SPATA17: variants seen among roughly 807,000 people sequenced by gnomAD.
SPATA17 encodes spermatogenesis associated 17, also known as spermatogenesis-associated protein 17.
SPATA17 carries 53 observed loss-of-function variants against 62.2 expected under a neutral mutation model. The ratio of observed to expected loss-of-function variants is 0.85; its 90% CI spans 0.68 to 1.07. SPATA17 has a LOEUF of 1.07. Among genes scored for constraint, SPATA17 ranks in the 50% least tolerant of loss-of-function variants. The pLI is 0.00. For missense variants in SPATA17, 466 were observed against 425.5 expected (o/e 1.10, Z -0.84); for synonymous variants, 146 against 146.8 (o/e 0.99, Z 0.04).
intron 6 of SPATA17, among the ~76,000 whole-genome samples, chr1:217,751,493 A>C: frequency 6.6e-6 from 1 of 152,322 alleles, no homozygotes; most frequent in Non-Finnish European, 1.5e-5. Context: ...ATTTGTTACT[A>C]TTGGCAGTCT....
At chr1:217,641,645 T>C (rs1180793176) in intron 1 of SPATA17, among the ~76,000 whole-genome samples, 1 of 152,154 alleles carries the variant, frequency 6.6e-6, no homozygotes. Flanking sequence ...ATATTTAAGT[T>C]ATTGAAACAA....
intron 5 of SPATA17, among the ~76,000 whole-genome samples, chr1:217,731,778 A>T (rs1020974287): frequency 1.3e-5 from 2 of 152,156 alleles, no homozygotes; most frequent in Non-Finnish European, 2.9e-5. Context: ...TTTTAATACT[A>T]AAAAATGTGA....
intron 8 of SPATA17, among the ~76,000 whole-genome samples, chr1:217,800,893 C>T (rs1674292548): frequency 6.6e-6 from 1 of 152,084 alleles, no homozygotes; most frequent in African/African-American, 2.4e-5. Flanking sequence ...GGTGAGGGAT[C>T]TGGGTTATAC....
At chr1:217,812,576 C>A (rs1674618069) in intron 9 of SPATA17, among the ~76,000 whole-genome samples, 6 of 151,984 alleles carry the variant, frequency 3.9e-5, no homozygotes, top group Admixed American at 3.9e-4. Flanking sequence ...ATGGTCGAAC[C>A]TTTTAAGATC....
At chr1:217,800,377 T>C (rs1247923038) in intron 8 of SPATA17, among the ~76,000 whole-genome samples, 1 of 150,568 alleles carries the variant, frequency 6.6e-6, no homozygotes, top group Non-Finnish European at 1.5e-5. Flanking sequence ...GCCAGTGCAC[T>C]TAAGAGACGA....
intron 6 of SPATA17, among the ~76,000 whole-genome samples, chr1:217,758,212 T>C (rs183294062): frequency 1.8e-3 from 278 of 152,340 alleles, no homozygotes; most frequent in African/African-American, 6.5e-3. Flanking sequence ...TGAGATAGAC[T>C]ATTACTTCCA....
At chr1:217,704,538 C>T (rs543363284) in intron 5 of SPATA17, among the ~76,000 whole-genome samples, 107 of 152,240 alleles carry the variant, frequency 7.0e-4, no homozygotes, top group African/African-American at 2.5e-3. Flanking sequence ...GCGTGAGCCA[C>T]CGCGCCCGGC....
chr1:217,864,994 A>G (rs1187134336), intron 10 of SPATA17, among the ~76,000 whole-genome samples: 4 of 152,102 alleles, frequency 2.6e-5, no homozygotes, highest in South Asian at 2.1e-4. Flanking sequence ...ATTTTTAACA[A>G]TTTTGTGAAT....
chr1:217,643,816 C>T (rs1392043650), intron 1 of SPATA17, among the ~76,000 whole-genome samples: 1 of 151,830 alleles, frequency 6.6e-6, no homozygotes, highest in African/African-American at 2.4e-5. Context: ...GCAACTTCTG[C>T]TTCCCAGGTT....
chr1:217,685,082 C>T (rs549359423), intron 5 of SPATA17, among the ~76,000 whole-genome samples: 1 of 117,542 alleles, frequency 8.5e-6, no homozygotes, highest in African/African-American at 3.6e-5. Flanking sequence ...TTTAGCTTGT[C>T]AGGAGGAAGA....
At chr1:217,730,075 T>C (rs2102940517) in intron 5 of SPATA17, among the ~76,000 whole-genome samples, 1 of 152,298 alleles carries the variant, frequency 6.6e-6, no homozygotes. Context: ...ATTAGTTAAG[T>C]ATGTCCCATT....
intron 9 of SPATA17, among the ~76,000 whole-genome samples, chr1:217,834,313 G>A (rs903469195): frequency 2.5e-4 from 38 of 152,158 alleles, no homozygotes; most frequent in Middle Eastern, 6.8e-3. Flanking sequence ...TTATTTTAGC[G>A]TGTATTGCTT....
In SPATA17 at chr1:217,840,269, C is replaced by CA. The variant is rs779538326; in HGVS notation, c.1006-22503dup. Among the ~76,000 whole-genome samples, 3 of 152,204 alleles carry CA rather than the reference C, an allele frequency of 2.0e-5. No homozygotes were observed. In the East Asian group the frequency reaches 5.8e-4, roughly 29 times the overall value. On this transcript the variant is annotated intron_variant, in intron 9 of 10. Transcript: ENST00000366933. ...TTCCTTTGGAGTCAGGCTGCATAAG[C>CA]AACAGTTTCTACACATTTCAGTCCT...
chr1:217,712,874 T>C (rs897133531), intron 5 of SPATA17, among the ~76,000 whole-genome samples: 2 of 151,968 alleles, frequency 1.3e-5, no homozygotes, highest in Non-Finnish European at 2.9e-5. Flanking sequence ...CTGGCAGAGT[T>C]GAAGTACTAA....
At chr1:217,789,025 C>CATCGAGGATTTAAAA (rs1338147983) in intron 8 of SPATA17, among the ~76,000 whole-genome samples, 1 of 152,070 alleles carries the variant, frequency 6.6e-6, no homozygotes, top group African/African-American at 2.4e-5. Context: ...AAGGTATAGA[C>CATCGAGGATTTAAAA]ATCGAGGATT....
chr1:217,766,575 C>T (rs563183370), intron 6 of SPATA17, among the ~76,000 whole-genome samples: 7 of 151,926 alleles, frequency 4.6e-5, no homozygotes, highest in South Asian at 2.1e-4. Flanking sequence ...AATACCTTGA[C>T]GCTATTATTT....
At chr1:217,822,169 A>G (rs1674879605) in intron 9 of SPATA17, among the ~76,000 whole-genome samples, 1 of 152,098 alleles carries the variant, frequency 6.6e-6, no homozygotes. Context: ...TGTCTTGCAG[A>G]AAGATTAAAC....
At chr1:217,672,180 C>A (rs1670847110) in intron 4 of SPATA17, among the ~76,000 whole-genome samples, 1 of 152,156 alleles carries the variant, frequency 6.6e-6, no homozygotes. Flanking sequence ...TTGTGTATAT[C>A]TGAAGATTAC....
chr1:217,859,966 A>T (rs2103015740), intron 9 of SPATA17, among the ~76,000 whole-genome samples: 1 of 151,820 alleles, frequency 6.6e-6, no homozygotes. Context: ...GCTCTTTTTA[A>T]TATAGTTTTC....
Sources: allele counts gnomAD v4.1 joint callset (sites outside exome capture counted in the v4.1 genomes callset), GRCh38; gene constraint gnomAD v4.1.1; transcripts MANE v1.5; gene names NCBI Gene and HGNC (gene_info 2026-07-23, HGNC 2026-07-21).